Variants in AUTS2 observed in about 807,000 individuals in gnomAD.
The protein encoded by AUTS2 is autism susceptibility gene 2 protein.
Under a neutral mutation model 112.4 loss-of-function variants are expected in AUTS2, and 17 were observed. The observed-to-expected ratio is 0.15, with a 90% CI of 0.10 to 0.23. The LOEUF (loss-of-function observed/expected upper bound fraction) is 0.23, where lower values mean the gene tolerates loss of function less well. Ranked by LOEUF, AUTS2 falls within the 10% of genes least tolerant of loss-of-function variation. AUTS2 has a pLI of 1.00. For synonymous variants in AUTS2, 751 were observed against 702.7 expected, an observed-to-expected ratio of 1.07 and a Z score of -1.09; for missense variants, 1,510 against 1,701.6, an observed-to-expected ratio of 0.89 and a Z score of 1.98.
chr7:70,722,219 C>T (rs1452783359), intron 6 of AUTS2, among the ~76,000 whole-genome samples: 1 of 152,004 alleles, frequency 6.6e-6, no homozygotes, highest in Non-Finnish European at 1.5e-5. Flanking sequence ...GGAAGTCCTA[C>T]TTTGTGAATT....
chr7:70,355,491 C>A (rs534415064), intron 4 of AUTS2, among the ~76,000 whole-genome samples: 8 of 152,248 alleles, frequency 5.3e-5, no homozygotes, highest in African/African-American at 1.9e-4. Flanking sequence ...AGTTCCAGTT[C>A]CTGAAGTCCT....
chr7:70,776,462 T>C, intron 13 of AUTS2, among the ~76,000 whole-genome samples: 1 of 152,206 alleles, frequency 6.6e-6, no homozygotes, highest in East Asian at 1.9e-4. Context: ...GAGGCCTAGA[T>C]AGAGAACAGG....
At chr7:70,290,753 A>T in intron 4 of AUTS2, 2 of 869,160 alleles carry the variant, frequency 2.3e-6, no homozygotes, top group Non-Finnish European at 3.1e-6. Context: ...TATGACTGTA[A>T]CGTTTCTACT....
chr7:69,907,632 G>A (rs146936519), intron 2 of AUTS2, among the ~76,000 whole-genome samples: 167 of 152,292 alleles, frequency 1.1e-3, no homozygotes, highest in African/African-American at 4.0e-3. Context: ...CAGTATATAA[G>A]CAACCATTGT....
intron 2 of AUTS2, among the ~76,000 whole-genome samples, chr7:69,981,873 A>G (rs889807845): frequency 1.3e-5 from 2 of 152,086 alleles, no homozygotes; most frequent in African/African-American, 4.8e-5. Flanking sequence ...ACACACTTCG[A>G]GTTGGTAATT....
Position 69,716,623 on chromosome 7 carries a change from G to C in AUTS2, c.309+116661G>C, listed in dbSNP as rs182218183. 1.4e-3 allele frequency among the ~76,000 whole-genome samples: 214 copies of C among 152,082 alleles called. 1 individual carries two copies. Among genetic ancestry groups the C allele is most frequent in the African/African-American group, 5.1e-3 (210 of 41,488 alleles). ...AATTTAATTTTGACCCTATATACCA[G>C]GCATTCTGATACTGTCTACCTGGAG... On this transcript the variant is annotated intron_variant, in intron 1 of 18. Transcript: ENST00000342771.
rs149983836 is a variant in AUTS2 at position 70,543,657 on chromosome 7, C to T, written c.690+107876C>T. ...CCTGACTGCAGTTTGTTGCCTGTCC[C>T]GTCATGCTTGCCTTCAAAATGCCTT... On this transcript the variant is annotated intron_variant, in intron 5 of 18. Transcript: ENST00000342771. Among the ~76,000 whole-genome samples the T allele has an allele frequency of 5.2e-3, 786 of 152,300 alleles. 8 individuals carry two copies. Among genetic ancestry groups the T allele is most frequent in the African/African-American group, 0.017 (716 of 41,560 alleles).
At chr7:70,134,674 C>G (rs1806457388) in intron 4 of AUTS2, 103 bp downstream of exon 4, 3 of 1,102,612 alleles carry the variant, frequency 2.7e-6, no homozygotes, top group East Asian at 4.7e-5. Flanking sequence ...GAATTTCTCT[C>G]TCAGTCCTAA....
At chr7:70,674,128 G>T (rs1807788302) in intron 5 of AUTS2, among the ~76,000 whole-genome samples, 1 of 152,166 alleles carries the variant, frequency 6.6e-6, no homozygotes, top group South Asian at 2.1e-4. Context: ...TGACTGGGCA[G>T]CTCCCGGCTC....
chr7:70,043,268 T>C (rs1345231890), intron 2 of AUTS2, among the ~76,000 whole-genome samples: 4 of 152,132 alleles, frequency 2.6e-5, no homozygotes, highest in Non-Finnish European at 5.9e-5. Flanking sequence ...ATTAGCTTTA[T>C]TTAATAAAAA....
intron 4 of AUTS2, among the ~76,000 whole-genome samples, chr7:70,221,200 A>G (rs1811467375): frequency 6.6e-6 from 1 of 152,152 alleles, no homozygotes; most frequent in African/African-American, 2.4e-5. Context: ...GAGCCACCAC[A>G]CCTGGCTGCT....
intron 4 of AUTS2, among the ~76,000 whole-genome samples, chr7:70,204,818 C>T (rs915931297): frequency 4.6e-5 from 7 of 152,140 alleles, no homozygotes; most frequent in African/African-American, 1.7e-4. Context: ...GGGAATAAAA[C>T]ATCCACACGT....
At chr7:70,462,371 G>C (rs189254391) in intron 5 of AUTS2, among the ~76,000 whole-genome samples, 24 of 152,234 alleles carry the variant, frequency 1.6e-4, no homozygotes, top group Admixed American at 1.2e-3. Flanking sequence ...TAATGAGCTG[G>C]GTAGATGGGG....
intron 2 of AUTS2, among the ~76,000 whole-genome samples, chr7:70,014,393 A>G (rs965330268): frequency 6.6e-6 from 1 of 152,226 alleles, no homozygotes; most frequent in Non-Finnish European, 1.5e-5. Context: ...GGAAAAAGAG[A>G]TAACACTTAA....
At chr7:69,640,097 A>G (rs1337504382) in intron 1 of AUTS2, among the ~76,000 whole-genome samples, 1 of 152,210 alleles carries the variant, frequency 6.6e-6, no homozygotes. Flanking sequence ...TTTTTATAAA[A>G]GTTTTTCCAC....
chr7:69,768,321 G>A (rs1444373239), intron 1 of AUTS2, among the ~76,000 whole-genome samples: 5 of 152,128 alleles, frequency 3.3e-5, no homozygotes, highest in African/African-American at 1.2e-4. Context: ...TAGGTACTTT[G>A]TAATTAAGCA....
chr7:70,388,765 CG>C (rs1449475825), intron 4 of AUTS2, among the ~76,000 whole-genome samples: 3 of 152,146 alleles, frequency 2.0e-5, no homozygotes, highest in Non-Finnish European at 4.4e-5. Context: ...AATTAACTAA[CG>C]TCAGGTTATT....
intron 5 of AUTS2, among the ~76,000 whole-genome samples, chr7:70,499,506 A>G (rs1222552352): frequency 6.6e-6 from 1 of 152,182 alleles, no homozygotes; most frequent in African/African-American, 2.4e-5. Context: ...TCAGAATGTG[A>G]AGGGTCTCAA....
intron 4 of AUTS2, among the ~76,000 whole-genome samples, chr7:70,174,075 C>T (rs1389055235): frequency 6.6e-6 from 1 of 151,732 alleles, no homozygotes; most frequent in Non-Finnish European, 1.5e-5. Context: ...AAAGCTAAGT[C>T]TCTTGCACCT....
Sources: gnomAD v4.1 joint callset for allele counts (sites outside exome capture counted in the v4.1 genomes callset) on GRCh38, gnomAD v4.1.1 for gene constraint, MANE v1.5 for transcripts, NCBI Gene and HGNC (gene_info 2026-07-23, HGNC 2026-07-21) for gene names.